Variants in USP34 observed in about 807,000 individuals in gnomAD.
USP34 encodes the protein ubiquitin specific peptidase 34, also known as ubiquitin carboxyl-terminal hydrolase 34.
A neutral mutation model predicts 460.3 loss-of-function variants in USP34; 70 were observed. That is an observed-to-expected ratio of 0.15 (90% CI 0.13 to 0.19). The LOEUF is 0.19. Among genes scored for constraint, USP34 ranks in the 10% least tolerant of loss-of-function variants. USP34 has a pLI of 1.00. For missense variants in USP34, 3,985 were observed against 4,236.2 expected (o/e 0.94, Z 1.65); for synonymous variants, 1,647 against 1,405.3 (o/e 1.17, Z -3.85).
chr2:61,249,966 G>C lies in USP34; in HGVS notation c.6222-1283C>G, dbSNP rs549358744. On this transcript the variant is annotated intron_variant, in intron 48 of 79. Coordinates refer to ENST00000398571, the MANE Select transcript of USP34 (RefSeq NM_014709.4). ...GCATTGGAGAGAAAAACAGCTCTCA[G>C]GCTAGGCGCGGTGGCTCACGCCTGT... 1.7e-4 allele frequency: 29 copies of C among 166,128 alleles called. No individual in the cohort carries two copies. In the South Asian group the frequency reaches 4.7e-3, roughly 27 times the overall value. The allele number at this position is 166,128 out of a possible 1,614,324, so 10.3% of individuals were successfully genotyped here.
In USP34 at chr2:61,451,025, C is replaced by A. The variant is rs1695257039; in HGVS notation, c.43+19625G>T. ...ACGAGGTCAAGAGTTCAAGACCAGC[C>A]TGGTCAACATGGTGAAACCCCATCT... On this transcript the variant is annotated intron_variant, in intron 1 of 79. Transcript: ENST00000398571. 3.3e-5 allele frequency among the ~76,000 whole-genome samples: 5 copies of A among 151,112 alleles called. No homozygotes were observed. The South Asian group carries it at 1.0e-3, about 32-fold the overall frequency.
At chr2:61,238,042 C>A (rs904992718) in intron 53 of USP34, among the ~76,000 whole-genome samples, 2 of 151,724 alleles carry the variant, frequency 1.3e-5, no homozygotes, top group Non-Finnish European at 2.9e-5. Context: ...ATTACAGGTG[C>A]CCGCCACCAT....
intron 1 of USP34, among the ~76,000 whole-genome samples, chr2:61,438,838 G>A (rs976195761): frequency 3.9e-5 from 6 of 152,112 alleles, no homozygotes; most frequent in Admixed American, 3.3e-4. Context: ...AAGTAGTTCT[G>A]GGCATCCAAA....
At chr2:61,449,189 C>T (rs1304172344) in intron 1 of USP34, among the ~76,000 whole-genome samples, 1 of 151,206 alleles carries the variant, frequency 6.6e-6, no homozygotes. Flanking sequence ...AAGAGGAGCG[C>T]TCGAACCTGG....
At chr2:61,340,970 G>C (rs542122724) in intron 16 of USP34, among the ~76,000 whole-genome samples, 1 of 151,260 alleles carries the variant, frequency 6.6e-6, no homozygotes, top group South Asian at 2.1e-4. Flanking sequence ...ACCCTAGGAA[G>C]TTCCCTTGTG....
chr2:61,268,101 C>G (rs1417617421), intron 41 of USP34, among the ~76,000 whole-genome samples: 1 of 152,056 alleles, frequency 6.6e-6, no homozygotes, highest in Non-Finnish European at 1.5e-5. Context: ...TACTCATATA[C>G]TTCACAGAAA....
intron 10 of USP34, among the ~76,000 whole-genome samples, chr2:61,358,426 G>T (rs553940412): frequency 6.6e-6 from 1 of 151,990 alleles, no homozygotes; most frequent in East Asian, 1.9e-4. Flanking sequence ...GGACAACCTG[G>T]AAGATTCCTT....
At chr2:61,456,626 G>A (rs967618368) in intron 1 of USP34, among the ~76,000 whole-genome samples, 2 of 151,974 alleles carry the variant, frequency 1.3e-5, no homozygotes, top group Admixed American at 6.6e-5. Flanking sequence ...AGACCAGCCT[G>A]GGAAACATGG....
intron 5 of USP34, among the ~76,000 whole-genome samples, chr2:61,387,878 C>T (rs1693212064): frequency 6.8e-6 from 1 of 147,956 alleles, no homozygotes; most frequent in South Asian, 2.1e-4. Context: ...TACGTATACG[C>T]ATATGTAAAA....
chr2:61,288,597 AT>A (rs1689759606), intron 34 of USP34, 79 bp downstream of exon 34: 1 of 1,442,438 alleles, frequency 6.9e-7, no homozygotes, highest in Admixed American at 1.7e-5. Context: ...TCTAGAATAC[AT>A]TTCTTAAGCA....
intron 30 of USP34, 36 bp downstream of exon 30, chr2:61,296,764 A>G (rs1235562538): frequency 6.3e-7 from 1 of 1,589,822 alleles, no homozygotes; most frequent in Non-Finnish European, 8.5e-7. Context: ...AACTGGTAAC[A>G]GCCTCTAGGA....
intron 1 of USP34, among the ~76,000 whole-genome samples, chr2:61,444,418 C>A (rs1695051934): frequency 6.6e-6 from 1 of 151,140 alleles, no homozygotes; most frequent in African/African-American, 2.4e-5. Context: ...GACACAAAAG[C>A]CAAAAGGATA....
chr2:61,345,187 C>T (rs1465042), intron 15 of USP34, among the ~76,000 whole-genome samples: 55,692 of 151,516 alleles, frequency 0.37, 10,235 homozygotes, highest in African/African-American at 0.39. Context: ...GGCAGGAGAA[C>T]CACTTGAACC....
chr2:61,360,437 G>C (rs557832069), intron 10 of USP34, among the ~76,000 whole-genome samples: 1 of 151,974 alleles, frequency 6.6e-6, no homozygotes, highest in African/African-American at 2.4e-5. Context: ...AAACAGTCCC[G>C]TTTACCACAG....
At chr2:61,412,724 A>C (rs1694075361) in intron 2 of USP34, among the ~76,000 whole-genome samples, 1 of 151,898 alleles carries the variant, frequency 6.6e-6, no homozygotes, top group Non-Finnish European at 1.5e-5. Context: ...CCTCCTTTCT[A>C]CAATAAAAAA....
At position 61,348,874 on chromosome 2, in the gene USP34, G is replaced by C. The variant is rs1320240987; in HGVS notation, c.1556C>G (p.Ala519Gly). Residue 519 changes from alanine to glycine, a missense_variant, in exon 14 of 80, where the codon GCT (alanine) becomes GGT (glycine). Physicochemically the swap from Ala to Gly is moderately conservative, Grantham distance 60 (BLOSUM62 0). Around this residue, in one of 14 missense-constraint regions of USP34, gnomAD observed 716 missense variants for 626.2 expected, o/e 1.14. Transcript: ENST00000398571. ...GCTATTATCACTGCTTTGAGGACTA[G>C]CTGCAGGTGACCCTATATAAAATAC... The part of the protein sequence containing the change: ...RTAPSPWSPA[A>G]SPQSSDNSDT... 1 of 1,610,574 alleles carries C rather than the reference G, an allele frequency of 6.2e-7. No individual in the cohort carries two copies. Among genetic ancestry groups the C allele is most frequent in the South Asian group, 1.1e-5 (1 of 90,106 alleles).
At chr2:61,427,540 G>A (rs1694547756) in intron 1 of USP34, among the ~76,000 whole-genome samples, 1 of 152,206 alleles carries the variant, frequency 6.6e-6, no homozygotes, top group South Asian at 2.1e-4. Context: ...TGACCTTTCA[G>A]ATAAGGAATT....
Position 61,278,276 on chromosome 2 carries a change from G to A in USP34, c.5322C>T (p.Ile1774=), listed in dbSNP as rs1689432612. Residue 1774 remains isoleucine, a synonymous_variant, in exon 41 of 80, where the codon ATC becomes ATT. Transcript: ENST00000398571. ...HLADCIRSRE[I]LDHQDGNVED... ...CTACATTACCATCCTGATGATCAAG[G>A]ATCTCCCTACTACAAAAAAGAAAAA... The A allele has an allele frequency of 1.9e-6, 3 of 1,613,100 alleles. No homozygotes were observed. The highest frequency in any genetic ancestry group is 1.7e-5 in the Admixed American group (1 of 59,868).
At chr2:61,376,409 G>C (rs1692801596) in intron 8 of USP34, among the ~76,000 whole-genome samples, 1 of 152,064 alleles carries the variant, frequency 6.6e-6, no homozygotes, top group African/African-American at 2.4e-5. Context: ...TATATTCCTT[G>C]CATTTGTTAT....
Sources: gnomAD v4.1 joint callset for allele counts (sites outside exome capture counted in the v4.1 genomes callset) on GRCh38, gnomAD v4.1.1 for gene constraint, gnomAD v4.1.1 regional missense constraint, MANE v1.5 for transcripts, NCBI Gene and HGNC (gene_info 2026-07-23, HGNC 2026-07-21) for gene names.